Variants in DACH2 observed in about 807,000 individuals in gnomAD.
DACH2 encodes dachshund family transcription factor 2.
In DACH2, 17 loss-of-function variants were observed where a neutral mutation model predicts 35.8. The observed-to-expected ratio is 0.48, with a 90% CI of 0.33 to 0.71. The LOEUF is 0.71. DACH2 is among the 30% of genes least tolerant of loss of function. DACH2 has a pLI of 0.02. For synonymous variants in DACH2, 195 were observed against 177.3 expected (o/e 1.10, Z -0.79); for missense variants, 469 against 472.7 (o/e 0.99, Z 0.07).
intron 2 of DACH2, among the ~76,000 whole-genome samples, chrX:86,421,687 C>T (rs1263900892): frequency 3.6e-5 from 4 of 110,889 alleles, no homozygotes; most frequent in Non-Finnish European, 7.6e-5. Context: ...TTTTAAAAAC[C>T]TTTTGTAGTA....
At chrX:86,280,387 C>A (rs893411072) in intron 1 of DACH2, among the ~76,000 whole-genome samples, 1 of 111,900 alleles carries the variant, frequency 8.9e-6, no homozygotes, top group African/African-American at 3.3e-5. Flanking sequence ...AAAATCCTTT[C>A]CAGACAAGCA....
intron 2 of DACH2, among the ~76,000 whole-genome samples, chrX:86,492,487 T>G (rs183146420): frequency 4.5e-5 from 5 of 112,247 alleles, no homozygotes; most frequent in Non-Finnish European, 5.6e-5. Flanking sequence ...AGAAGGTGCA[T>G]GTGCAATTTT....
intron 1 of DACH2, among the ~76,000 whole-genome samples, chrX:86,328,334 C>G (rs1473128584): frequency 9.0e-6 from 1 of 111,311 alleles, no homozygotes; most frequent in Non-Finnish European, 1.9e-5. Context: ...ATAGAAGTAT[C>G]TCATTGGGGG....
intron 2 of DACH2, among the ~76,000 whole-genome samples, chrX:86,445,581 A>AAAAT (rs1556171636): frequency 0.01 from 1,065 of 101,628 alleles, 30 homozygotes; most frequent in African/African-American, 0.037. Flanking sequence ...AAAAAAAAAA[A>AAAAT]GAAATTTTTA....
intron 1 of DACH2, among the ~76,000 whole-genome samples, chrX:86,215,689 G>C (rs1001059408): frequency 8.1e-5 from 9 of 111,583 alleles, no homozygotes; most frequent in Non-Finnish European, 1.7e-4. Context: ...CCTGAAAAGA[G>C]ATTGGTTAGA....
At chrX:86,172,334 T>G (rs1265851671) in intron 1 of DACH2, among the ~76,000 whole-genome samples, 1 of 112,049 alleles carries the variant, frequency 8.9e-6, no homozygotes, top group Non-Finnish European at 1.9e-5. Flanking sequence ...TTTAGACTTT[T>G]TTTTACTCAA....
chrX:86,423,251 T>A (rs2036835157), intron 2 of DACH2, among the ~76,000 whole-genome samples: 1 of 111,279 alleles, frequency 9.0e-6, no homozygotes. Flanking sequence ...CAAACTGTTC[T>A]CCACAGTGGT....
At chrX:86,543,952 T>A (rs914656767) in intron 3 of DACH2, among the ~76,000 whole-genome samples, 1 of 109,175 alleles carries the variant, frequency 9.2e-6, no homozygotes. Flanking sequence ...AACCTGCACA[T>A]TGTGCACATG....
At chrX:86,667,537 GAAAGAAAGAAGAAAGAAAGAAAGAAAGA>G (rs2040702331) in intron 4 of DACH2, among the ~76,000 whole-genome samples, 22 of 51,136 alleles carry the variant, frequency 4.3e-4, no homozygotes, top group African/African-American at 1.5e-3. Flanking sequence ...AAGAAAGAAA[GAAAGAAAGAAGAAAGAAAGAAAGAAAGA>G]AAGAAAGAAA....
chrX:86,361,746 T>A (rs2148082522), intron 1 of DACH2, among the ~76,000 whole-genome samples: 1 of 111,615 alleles, frequency 9.0e-6, no homozygotes, highest in East Asian at 2.8e-4. Flanking sequence ...TGTGTTAAAC[T>A]TACATCATTT....
intron 1 of DACH2, among the ~76,000 whole-genome samples, chrX:86,368,007 T>C (rs1485732706): frequency 8.9e-6 from 1 of 111,735 alleles, no homozygotes; most frequent in Non-Finnish European, 1.9e-5. Context: ...CTGTGCATCT[T>C]GTCAGTTTTA....
intron 7 of DACH2, among the ~76,000 whole-genome samples, chrX:86,783,054 AAAC>A (rs2042104127): frequency 8.9e-6 from 1 of 111,907 alleles, no homozygotes; most frequent in Admixed American, 9.5e-5. Context: ...TAATAAACTC[AAAC>A]AACTGTATAG....
chrX:86,606,267 C>T (rs1352717243), intron 3 of DACH2, among the ~76,000 whole-genome samples: 1 of 101,314 alleles, frequency 9.9e-6, no homozygotes, highest in Non-Finnish European at 2.0e-5. Context: ...TTTTATGAGA[C>T]ATGAGACATT....
chrX:86,267,415 C>T (rs1433244644), intron 1 of DACH2, among the ~76,000 whole-genome samples: 1 of 112,005 alleles, frequency 8.9e-6, no homozygotes, highest in African/African-American at 3.2e-5. Context: ...CACACAAAAT[C>T]TGAAAATTCA....
At chrX:86,160,127 C>T (rs1235313664) in intron 1 of DACH2, 8 of 523,637 alleles carry the variant, frequency 1.5e-5, no homozygotes, top group East Asian at 3.8e-5. Flanking sequence ...TATCATTAAC[C>T]AGTCTTTTAC....
At chrX:86,756,473 G>GTT (rs200159073) in intron 7 of DACH2, among the ~76,000 whole-genome samples, 5 of 96,860 alleles carry the variant, frequency 5.2e-5, no homozygotes, top group African/African-American at 1.1e-4. Flanking sequence ...TTACTCCTAG[G>GTT]TTTTTTTTTT....
intron 1 of DACH2, among the ~76,000 whole-genome samples, chrX:86,205,478 TTCCCTCCTTCCC>T (rs1569301589): frequency 1.7e-3 from 62 of 36,931 alleles, no homozygotes; most frequent in African/African-American, 0.012. Flanking sequence ...CCTTCCCTCC[TTCCCTCCTTCCC>T]TCCTTCCTTC....
At chrX:86,230,620 C>T in intron 1 of DACH2, among the ~76,000 whole-genome samples, 1 of 111,061 alleles carries the variant, frequency 9.0e-6, no homozygotes, top group Admixed American at 9.6e-5. Flanking sequence ...TGGTCCTGGA[C>T]TTTTTTTGTT....
chrX:86,757,644 C>T (rs1602905722), intron 7 of DACH2, among the ~76,000 whole-genome samples: 1 of 111,538 alleles, frequency 9.0e-6, no homozygotes, highest in South Asian at 3.7e-4. Context: ...GTGGACTTCT[C>T]CCTTGCTATT....
Sources: allele counts gnomAD v4.1 joint callset (sites outside exome capture counted in the v4.1 genomes callset), GRCh38; gene constraint gnomAD v4.1.1; transcripts MANE v1.5; gene names NCBI Gene and HGNC (gene_info 2026-07-23, HGNC 2026-07-21).